The following GREB1L variants were observed in gnomAD, a reference collection of about 807,000 sequenced individuals.
GREB1L encodes the protein GREB1 like retinoic acid receptor coactivator, also known as GREB1-like protein.
A neutral mutation model predicts 200.8 loss-of-function variants in GREB1L; 17 were observed. The observed-to-expected ratio is 0.08, with a 90% CI of 0.06 to 0.13. The LOEUF is 0.13. GREB1L is among the 10% of genes least tolerant of loss of function. The pLI is 1.00. For missense variants in GREB1L, 1,657 were observed against 2,367.7 expected (o/e 0.70, Z 6.23); for synonymous variants, 789 against 893.0 (o/e 0.88, Z 2.08).
At chr18:21,253,315 C>T (rs7226882) in intron 1 of GREB1L, among the ~76,000 whole-genome samples, 2,021 of 148,014 alleles carry the variant, frequency 0.014, 51 homozygotes, top group African/African-American at 0.048. Context: ...TGCAATGGCA[C>T]GATCTCGGTT....
chr18:21,286,795 G>A (rs1598630748), intron 1 of GREB1L, among the ~76,000 whole-genome samples: 1 of 152,128 alleles, frequency 6.6e-6, no homozygotes, highest in East Asian at 1.9e-4. Context: ...ACTGCACCTG[G>A]CCTATGGTTT....
chr18:21,314,251 C>T (rs1715784108), intron 1 of GREB1L, among the ~76,000 whole-genome samples: 1 of 152,152 alleles, frequency 6.6e-6, no homozygotes, highest in Non-Finnish European at 1.5e-5. Flanking sequence ...ATAATGCTTG[C>T]TCCTTACACA....
At chr18:21,274,565 C>G (rs1203140639) in intron 1 of GREB1L, among the ~76,000 whole-genome samples, 1 of 152,090 alleles carries the variant, frequency 6.6e-6, no homozygotes, top group East Asian at 1.9e-4. Context: ...CATGTGCCAC[C>G]ATGCCCGGCA....
intron 7 of GREB1L, among the ~76,000 whole-genome samples, chr18:21,422,008 CAAG>C (rs2032196247): frequency 6.6e-6 from 1 of 152,142 alleles, no homozygotes; most frequent in African/African-American, 2.4e-5. Context: ...GTGGGAGAAA[CAAG>C]AAGTTACAAA....
chr18:21,352,896 T>C (rs1263059123), intron 1 of GREB1L, among the ~76,000 whole-genome samples: 1 of 152,080 alleles, frequency 6.6e-6, no homozygotes, highest in African/African-American at 2.4e-5. Context: ...AATGGGACCA[T>C]ATAGTCTGAG....
chr18:21,522,720 G>C lies in GREB1L; in HGVS notation c.5671G>C (p.Glu1891Gln), dbSNP rs1447977510. 1 of 1,551,588 alleles carries C rather than the reference G, an allele frequency of 6.4e-7. No homozygotes were observed. The highest frequency in any genetic ancestry group is 8.7e-7 in the Non-Finnish European group (1 of 1,147,000). ...SSLRQTIVRL[E>Q]LEDEWQFRLR... ...CTTGCGCCAAACAATTGTCCGCTTA[G>C]AGCTAGAAGATGAGTGGCAGTTCCG... Residue 1891 changes from glutamate (E) to glutamine (Q), a missense_variant, in exon 33 of 33, where the codon GAG becomes CAG. Physicochemically the swap from Glu to Gln is conservative, Grantham distance 29. Transcript: ENST00000424526.
At chr18:21,318,105 C>CAAAAAAAAAAAAAAAAAAA (rs61304976) in intron 1 of GREB1L, among the ~76,000 whole-genome samples, 1 of 89,666 alleles carries the variant, frequency 1.1e-5, no homozygotes, top group Non-Finnish European at 2.4e-5. Context: ...GAGATTCCGT[C>CAAAAAAAAAAAAAAAAAAA]AAAAAAAAAA....
At chr18:21,301,739 A>C (rs2038620307) in intron 1 of GREB1L, among the ~76,000 whole-genome samples, 1 of 152,186 alleles carries the variant, frequency 6.6e-6, no homozygotes, top group Admixed American at 6.5e-5. Context: ...AAACAAACGA[A>C]CTTTTTTTCA....
At chr18:21,485,892 G>A in intron 18 of GREB1L, 139 bp downstream of exon 18, 1 of 744,662 alleles carries the variant, frequency 1.3e-6, no homozygotes, top group Non-Finnish European at 2.1e-6. Flanking sequence ...AATTAAAACA[G>A]CCTTTCCTAA....
intron 18 of GREB1L, among the ~76,000 whole-genome samples, chr18:21,486,153 G>T (rs2036120007): frequency 6.6e-6 from 1 of 152,162 alleles, no homozygotes; most frequent in African/African-American, 2.4e-5. Context: ...AGGAGATCGA[G>T]ACCACCCTGG....
intron 1 of GREB1L, among the ~76,000 whole-genome samples, chr18:21,338,872 A>T (rs1186017366): frequency 6.6e-6 from 1 of 152,230 alleles, no homozygotes; most frequent in Non-Finnish European, 1.5e-5. Context: ...ATCAAAAATT[A>T]TCAGTCTGAG....
intron 1 of GREB1L, among the ~76,000 whole-genome samples, chr18:21,300,524 C>T (rs2038601310): frequency 6.6e-6 from 1 of 152,190 alleles, no homozygotes; most frequent in South Asian, 2.1e-4. Flanking sequence ...TTCCCATCCC[C>T]CTCTCTAAAC....
chr18:21,517,972 TC>T (rs2037479138), intron 30 of GREB1L, 61 bp from the exon 31 acceptor site: 1 of 1,295,526 alleles, frequency 7.7e-7, no homozygotes, highest in Non-Finnish European at 1.1e-6. Context: ...CTTCAGTGTT[TC>T]CTCACCTGTT....
intron 18 of GREB1L, 104 bp from the exon 19 acceptor site, chr18:21,489,908 T>C (rs1200639348): frequency 2.6e-6 from 2 of 782,636 alleles, no homozygotes; most frequent in Non-Finnish European, 4.1e-6. Flanking sequence ...CACTGATCAG[T>C]AGCCCCTTCC....
intron 11 of GREB1L, among the ~76,000 whole-genome samples, chr18:21,448,203 A>G (rs12604773): frequency 0.49 from 73,164 of 150,546 alleles, 21,198 homozygotes; most frequent in Non-Finnish European, 0.65. Context: ...AGAAACACAG[A>G]CATAATGTAT....
intron 7 of GREB1L, among the ~76,000 whole-genome samples, chr18:21,409,170 A>G (rs2030653912): frequency 6.6e-6 from 1 of 152,250 alleles, no homozygotes; most frequent in Non-Finnish European, 1.5e-5. Flanking sequence ...TGATGTATCC[A>G]TATAATGGAA....
Position 21,525,414 on chromosome 18 carries a change from C to G in GREB1L, c.*2593C>G, listed in dbSNP as rs2037668540. 6.6e-6 allele frequency: 1 copy of G among 151,998 alleles called. No homozygotes were observed. The highest frequency in any genetic ancestry group is 2.1e-4 in the South Asian group (1 of 4,824). 9.4% of individuals were successfully genotyped at this position (151,998 alleles called of 1,614,324 possible). ...AATGTATTAAAGTTATCTCCCACCC[C>G]CTCCAAAAAGTTATTTTTTCTTTAT... On this transcript the variant is annotated 3_prime_UTR_variant, in exon 33 of 33. Coordinates refer to ENST00000424526, the MANE Select transcript of GREB1L (RefSeq NM_001142966.3).
chr18:21,492,333 A>G (rs1239209265), intron 19 of GREB1L, among the ~76,000 whole-genome samples: 2 of 151,712 alleles, frequency 1.3e-5, no homozygotes, highest in Non-Finnish European at 2.9e-5. Context: ...GCGACAGAGC[A>G]AGACTCTGTC....
intron 12 of GREB1L, chr18:21,450,764 G>T: frequency 3.1e-6 from 1 of 322,798 alleles, no homozygotes; most frequent in Non-Finnish European, 5.7e-6. Flanking sequence ...ACACAAACGT[G>T]CATATTTTCA....
Sources: allele counts gnomAD v4.1 joint callset (sites outside exome capture counted in the v4.1 genomes callset), GRCh38; gene constraint gnomAD v4.1.1; transcripts MANE v1.5; gene names NCBI Gene and HGNC (gene_info 2026-07-23, HGNC 2026-07-21).